The following GRIP2 variants were observed in gnomAD, a reference collection of about 807,000 sequenced individuals.
The protein encoded by GRIP2 is glutamate receptor interacting protein 2.
GRIP2 carries 58 observed loss-of-function variants against 108.3 expected under a neutral mutation model. That is an observed-to-expected ratio of 0.54 (90% CI 0.43 to 0.67). The LOEUF (loss-of-function observed/expected upper bound fraction) is 0.67. Ranked by LOEUF, GRIP2 falls within the 30% of genes least tolerant of loss-of-function variation. GRIP2 has a pLI of 0.00. For synonymous variants in GRIP2, 586 were observed against 598.2 expected (o/e 0.98, Z 0.30); for missense variants, 1,278 against 1,430.6 (o/e 0.89, Z 1.72).
chr3:14,515,886 C>A (rs144813097), intron 11 of GRIP2, among the ~76,000 whole-genome samples: 4,447 of 152,216 alleles, frequency 0.029, 202 homozygotes, highest in African/African-American at 0.1. Flanking sequence ...CCACCTCGGC[C>A]TCCCAAAGTG....
rs61731938 is a variant in GRIP2, at chr3:14,505,674, G to A, written c.2514C>T (p.Thr838=). The change falls in exon 20 of 24, where the codon ACC becomes ACT. Residue 838 remains threonine, a synonymous_variant. Coordinates refer to ENST00000621039, the MANE Select transcript of GRIP2 (RefSeq NM_001080423.4). The surrounding 1 kb of genome is among the most constrained non-coding windows in gnomAD (Gnocchi z 4.2). The part of the protein sequence containing the change: ...TEPRRTSYTP[T]PADESFPEEE... ...CCTCTGGAAAGCTCTCGTCAGCTGG[G>A]GTTGGGGTATAGCTCGTCCTCCGGG... The A allele has an allele frequency of 0.054, 86,478 of 1,607,244 alleles. 2,742 individuals carry two copies. The highest frequency in any genetic ancestry group is 0.062 in the Non-Finnish European group (72,491 of 1,176,758).
chr3:14,497,626 G>A (rs1185439158), intron 21 of GRIP2, among the ~76,000 whole-genome samples: 1 of 152,202 alleles, frequency 6.6e-6, no homozygotes, highest in African/African-American at 2.4e-5. Flanking sequence ...AGCCCCTGAA[G>A]GACTGAAGCC....
In GRIP2 at chr3:14,507,697, A is replaced by G; in HGVS notation, c.2082T>C (p.Thr694=). The G allele has an allele frequency of 6.2e-7, 1 of 1,613,306 alleles. No individual in the cohort carries two copies. Among genetic ancestry groups the G allele is most frequent in the Non-Finnish European group, 8.5e-7 (1 of 1,179,284 alleles). ...TGCGGTCCCCCACGTGGATGGCACCAGTCCTGAGGAGTGGATGCAGGGCAG... is the reference window on the plus strand; with the variant it reads ...TGCGGTCCCCCACGTGGATGGCACCGGTCCTGAGGAGTGGATGCAGGGCAG... The part of the protein sequence containing the change: ...GLTKRGLAER[T]GAIHVGDRIL... Residue 694 remains threonine, a synonymous_variant, in exon 18 of 24, where the codon ACT becomes ACC. Transcript: ENST00000621039. This position sits in a 1 kb window ranked among gnomAD's most constrained non-coding sequence, Gnocchi z 4.6.
chr3:14,534,126 T>C (rs1310649048), intron 1 of GRIP2, among the ~76,000 whole-genome samples: 1 of 152,158 alleles, frequency 6.6e-6, no homozygotes, highest in Admixed American at 6.5e-5. Flanking sequence ...CTGATGCCTA[T>C]TCAGAGGGGA....
At chr3:14,517,920 A>T in intron 9 of GRIP2, 23 bp from the exon 10 acceptor site, 2 of 1,525,034 alleles carry the variant, frequency 1.3e-6, no homozygotes, top group Non-Finnish European at 1.8e-6. Context: ...GAGAAAGAGG[A>T]AAGAGAGGTG....
rs1450056031 is a variant in GRIP2 at position 14,511,908 on chromosome 3, GAACAA to G, written c.1721-434_1721-430del. Among the ~76,000 whole-genome samples, 1 of 152,198 alleles carries G rather than the reference GAACAA, an allele frequency of 6.6e-6. No homozygotes were observed. Among genetic ancestry groups the G allele is most frequent in the East Asian group, 1.9e-4 (1 of 5,194 alleles). ...GCTTGGGGGTGGGAGACACAGAAGT[GAACAA>G]AACAGACAGCAATCTCTCCCTGCCC... On this transcript the variant is annotated intron_variant, in intron 14 of 23. Coordinates refer to ENST00000621039, the MANE Select transcript of GRIP2 (RefSeq NM_001080423.4). This position sits in a 1 kb window ranked among gnomAD's most constrained non-coding sequence, Gnocchi z 4.1.
upstream of GRIP2, among the ~76,000 whole-genome samples, chr3:14,541,013 G>T (rs1428473803): frequency 2.0e-5 from 3 of 152,252 alleles, no homozygotes; most frequent in Admixed American, 6.5e-5. Flanking sequence ...CCGCCTCTGG[G>T]CTTGATAGGC....
intron 21 of GRIP2, among the ~76,000 whole-genome samples, chr3:14,498,524 A>G (rs1325234919): frequency 6.6e-6 from 1 of 152,132 alleles, no homozygotes; most frequent in African/African-American, 2.4e-5. Context: ...AAGATAGGAA[A>G]CCGAGGGAGG....
the GRIP2 span, among the ~76,000 whole-genome samples, chr3:14,591,123 T>C: frequency 2.0e-5 from 3 of 152,230 alleles, no homozygotes; most frequent in Admixed American, 2.0e-4. Context: ...CTCTGTGCTT[T>C]TGCACATGCT....
the GRIP2 span, among the ~76,000 whole-genome samples, chr3:14,567,545 A>C: frequency 2.0e-5 from 3 of 152,158 alleles, no homozygotes; most frequent in Admixed American, 6.5e-5. Context: ...GACAAGGAAA[A>C]CCAGGGGTGA....
the GRIP2 span, among the ~76,000 whole-genome samples, chr3:14,583,541 G>T: frequency 6.6e-6 from 1 of 152,162 alleles, no homozygotes; most frequent in South Asian, 2.1e-4. Flanking sequence ...CGGGAGGCTG[G>T]GAGGCTGGGA....
At chr3:14,558,996 A>G (rs909498586), upstream of GRIP2, among the ~76,000 whole-genome samples, 4 of 152,184 alleles carry the variant, frequency 2.6e-5, no homozygotes, top group African/African-American at 9.7e-5. Flanking sequence ...CCTGGCACTG[A>G]CTTGGAGGGG....
chr3:14,557,555 C>T (rs537571628), upstream of GRIP2, among the ~76,000 whole-genome samples: 38 of 152,326 alleles, frequency 2.5e-4, no homozygotes, highest in African/African-American at 8.4e-4. Context: ...GGGATTCTGT[C>T]TTCATCCTAA....
At chr3:14,499,235 C>A (rs758750502) in intron 21 of GRIP2, among the ~76,000 whole-genome samples, 5 of 152,134 alleles carry the variant, frequency 3.3e-5, no homozygotes, top group Non-Finnish European at 7.3e-5. Context: ...GTTCAAAGGC[C>A]ACAGCCAAGA....
chr3:14,542,925 C>T (rs370763197), upstream of GRIP2, among the ~76,000 whole-genome samples: 9 of 152,110 alleles, frequency 5.9e-5, no homozygotes, highest in Non-Finnish European at 1.2e-4. Flanking sequence ...GCACCAGCAC[C>T]GCTATTCTTA....
chr3:14,496,323 C>A, intron 22 of GRIP2, 94 bp downstream of exon 22: 1 of 1,106,178 alleles, frequency 9.0e-7, no homozygotes. Flanking sequence ...AGACTAAAGC[C>A]CTGAGAGGGG....
chr3:14,532,606 T>C (rs767173734), intron 1 of GRIP2, among the ~76,000 whole-genome samples: 40 of 152,086 alleles, frequency 2.6e-4, no homozygotes, highest in Non-Finnish European at 4.6e-4. Context: ...CAGAGAACCA[T>C]TGCTCTATAG....
At chr3:14,530,941 T>A (rs1404476561) in intron 1 of GRIP2, 1 of 152,234 alleles carries the variant, frequency 6.6e-6, no homozygotes, top group East Asian at 1.9e-4. Flanking sequence ...TAGTGTGCTA[T>A]CAAATACTAG....
chr3:14,599,833 T>G, the GRIP2 span, among the ~76,000 whole-genome samples: 9 of 151,952 alleles, frequency 5.9e-5, no homozygotes, highest in African/African-American at 1.9e-4. Flanking sequence ...TGCCCAGTGC[T>G]TGGGAAGTGT....
Sources: gnomAD v4.1 joint callset for allele counts (sites outside exome capture counted in the v4.1 genomes callset) on GRCh38, gnomAD v4.1.1 for gene constraint, Gnocchi (gnomAD v3.1) non-coding constraint, MANE v1.5 for transcripts, NCBI Gene and HGNC (gene_info 2026-07-23, HGNC 2026-07-21) for gene names.